Variants in MYO5B observed in about 807,000 individuals in gnomAD.
MYO5B encodes unconventional myosin-Vb.
In MYO5B, 143 loss-of-function variants were observed where a neutral mutation model predicts 229.3. The ratio of observed to expected loss-of-function variants is 0.62; its 90% CI spans 0.54 to 0.72. The LOEUF (loss-of-function observed/expected upper bound fraction) is 0.72, where lower values mean the gene tolerates loss of function less well. Among genes scored for constraint, MYO5B ranks in the 30% least tolerant of loss-of-function variants. The probability of loss-of-function intolerance (pLI) is 0.00; values close to 1 mark genes in which losing one functional copy is unlikely to be tolerated. For missense variants in MYO5B, 2,321 were observed against 2,331.0 expected, an observed-to-expected ratio of 1.00 and a Z score of 0.09; for synonymous variants, 918 against 885.2, an observed-to-expected ratio of 1.04 and a Z score of -0.66.
At chr18:50,118,388 C>A (rs968141956) in intron 1 of MYO5B, among the ~76,000 whole-genome samples, 1 of 152,180 alleles carries the variant, frequency 6.6e-6, no homozygotes, top group Non-Finnish European at 1.5e-5. Context: ...AAGTCAGTGT[C>A]TTTCTGGTGA....
chr18:50,051,222 G>A (rs2030384013), intron 2 of MYO5B, among the ~76,000 whole-genome samples: 3 of 152,114 alleles, frequency 2.0e-5, no homozygotes. Flanking sequence ...CAGATGTAGG[G>A]TTACATTCTC....
At chr18:50,041,520 T>C (rs2030014530) in intron 2 of MYO5B, among the ~76,000 whole-genome samples, 1 of 152,164 alleles carries the variant, frequency 6.6e-6, no homozygotes, top group Non-Finnish European at 1.5e-5. Flanking sequence ...AAATTGTATG[T>C]TATAATGTTA....
At chr18:49,880,546 T>C in intron 22 of MYO5B, 91 bp from the exon 23 acceptor site, 1 of 950,434 alleles carries the variant, frequency 1.1e-6, no homozygotes, top group Non-Finnish European at 1.7e-6. Flanking sequence ...TGGATACATG[T>C]AAATGCTCTT....
At chr18:49,922,811 T>A (rs961090918) in intron 17 of MYO5B, among the ~76,000 whole-genome samples, 7 of 152,122 alleles carry the variant, frequency 4.6e-5, no homozygotes, top group African/African-American at 1.7e-4. Context: ...CATGTAAGTA[T>A]CTGCTAGAAA....
At chr18:49,924,859 A>T (rs1228064738) in intron 17 of MYO5B, among the ~76,000 whole-genome samples, 1 of 152,170 alleles carries the variant, frequency 6.6e-6, no homozygotes, top group East Asian at 1.9e-4. Context: ...ATAACACTGA[A>T]CTATGACCAT....
At chr18:49,981,002 G>GA (rs2144294244) in intron 8 of MYO5B, among the ~76,000 whole-genome samples, 1 of 152,348 alleles carries the variant, frequency 6.6e-6, no homozygotes, top group African/African-American at 2.4e-5. Context: ...AATGAGGGAA[G>GA]AAAAGGAGAA....
At chr18:50,003,515 C>T (rs2026069560) in intron 4 of MYO5B, among the ~76,000 whole-genome samples, 1 of 152,170 alleles carries the variant, frequency 6.6e-6, no homozygotes, top group Non-Finnish European at 1.5e-5. Flanking sequence ...TATCCCTAAA[C>T]CTAGAGGATA....
intron 7 of MYO5B, 46 bp downstream of exon 7, chr18:49,990,393 G>A (rs764958352): frequency 2.0e-6 from 3 of 1,527,074 alleles, no homozygotes; most frequent in Middle Eastern, 3.5e-4. Context: ...GCACCCGCTG[G>A]AGCAGTAGCC....
chr18:50,106,736 A>C (rs1187128085), intron 1 of MYO5B, among the ~76,000 whole-genome samples: 2 of 152,264 alleles, frequency 1.3e-5, no homozygotes, highest in South Asian at 2.1e-4. Context: ...CTAACTCCAC[A>C]TGTCAGACAA....
intron 22 of MYO5B, among the ~76,000 whole-genome samples, chr18:49,887,453 T>C (rs1190074908): frequency 6.6e-6 from 1 of 152,112 alleles, no homozygotes; most frequent in South Asian, 2.1e-4. Flanking sequence ...GAGGGATAAG[T>C]TCTCACTGAG....
intron 10 of MYO5B, among the ~76,000 whole-genome samples, chr18:49,971,542 G>A (rs2025692317): frequency 6.6e-6 from 1 of 152,164 alleles, no homozygotes. Flanking sequence ...CAAGCCACCT[G>A]CTCTTCCGTT....
At chr18:50,101,250 A>G (rs1237901437) in intron 1 of MYO5B, among the ~76,000 whole-genome samples, 1 of 152,138 alleles carries the variant, frequency 6.6e-6, no homozygotes. Flanking sequence ...CAAGTTGTAC[A>G]CCTTAAGTGC....
chr18:49,829,616 T>C (rs780570100), intron 39 of MYO5B, among the ~76,000 whole-genome samples: 3 of 152,206 alleles, frequency 2.0e-5, no homozygotes, highest in Non-Finnish European at 2.9e-5. Context: ...AGTATAACCC[T>C]AATATCAAAG....
rs143376213 is a variant in MYO5B at position 50,105,952 on chromosome 18, T to C, written c.28-50574A>G. ...ACATAAACAAGCCTCCTTTGTAGGC[T>C]GTCCACCCTACCCACCCTAGTCACC... is the stretch of plus-strand genomic sequence containing the variant. On this transcript the variant is annotated intron_variant, in intron 1 of 39. Coordinates refer to ENST00000285039, the MANE Select transcript of MYO5B (RefSeq NM_001080467.3). 7.5e-3 allele frequency among the ~76,000 whole-genome samples: 1,144 copies of C among 152,230 alleles called. 4 individuals are homozygous for C. The highest frequency in any genetic ancestry group is 0.01 in the Non-Finnish European group (685 of 68,000).
At chr18:49,998,055 G>A (rs549341006) in intron 5 of MYO5B, among the ~76,000 whole-genome samples, 6 of 151,938 alleles carry the variant, frequency 3.9e-5, no homozygotes, top group South Asian at 2.1e-4. Context: ...ACGAAAAGTC[G>A]TGTTTTCAGA....
chr18:50,190,855 G>A (rs1363938406), intron 1 of MYO5B, among the ~76,000 whole-genome samples: 1 of 152,102 alleles, frequency 6.6e-6, no homozygotes, highest in African/African-American at 2.4e-5. Flanking sequence ...TATAATCAAA[G>A]GGCTTTAAAT....
At position 49,991,351 on chromosome 18, in the gene MYO5B, T is replaced by C. The variant is rs73959837; in HGVS notation, c.757-831A>G. 1.0e-3 allele frequency among the ~76,000 whole-genome samples: 157 copies of C among 152,198 alleles called. 2 individuals are homozygous for C. The highest frequency in any genetic ancestry group is 3.6e-3 in the African/African-American group (150 of 41,526). On this transcript the variant is annotated intron_variant, in intron 6 of 39. Transcript: ENST00000285039. ...CTCCTTAAAGGCAGCTAAAGCTCAA[T>C]GACCAGGAAGCCATTTAACCCAAGG...
At chr18:50,190,358 G>A (rs1490053568) in intron 1 of MYO5B, among the ~76,000 whole-genome samples, 1 of 152,270 alleles carries the variant, frequency 6.6e-6, no homozygotes, top group South Asian at 2.1e-4. Flanking sequence ...TTTCCAATGG[G>A]TTGGAAGCCA....
chr18:49,854,459 G>A (rs373990166), intron 30 of MYO5B, among the ~76,000 whole-genome samples: 6 of 152,348 alleles, frequency 3.9e-5, no homozygotes, highest in Middle Eastern at 3.4e-3. Flanking sequence ...ACAGGCAGCC[G>A]CATCTTCAGG....
Sources: gnomAD v4.1 joint callset for allele counts (sites outside exome capture counted in the v4.1 genomes callset) on GRCh38, gnomAD v4.1.1 for gene constraint, MANE v1.5 for transcripts, NCBI Gene and HGNC (gene_info 2026-07-23, HGNC 2026-07-21) for gene names.